The following LRMDA variants were observed in gnomAD, a reference collection of about 807,000 sequenced individuals.
The protein encoded by LRMDA is leucine rich melanocyte differentiation associated.
In LRMDA, 18 loss-of-function variants were observed where a neutral mutation model predicts 29.8. That is an observed-to-expected ratio of 0.60 (90% confidence interval 0.42 to 0.90). LRMDA has a LOEUF of 0.90. Ranked by LOEUF, LRMDA falls within the 40% of genes least tolerant of loss-of-function variation. The probability of loss-of-function intolerance (pLI) is 0.00; values close to 1 mark genes in which losing one functional copy is unlikely to be tolerated. For synonymous variants in LRMDA, 125 were observed against 109.4 expected (o/e 1.14, Z -0.89); for missense variants, 273 against 273.9 (o/e 1.00, Z 0.02).
intron 5 of LRMDA, among the ~76,000 whole-genome samples, chr10:76,088,640 G>T (rs942525694): frequency 2.6e-5 from 4 of 152,162 alleles, no homozygotes; most frequent in Non-Finnish European, 4.4e-5. Flanking sequence ...TTAATGGCCA[G>T]CCCATTCCTT....
intron 6 of LRMDA, among the ~76,000 whole-genome samples, chr10:76,383,676 C>T (rs1344446030): frequency 3.3e-5 from 5 of 150,882 alleles, no homozygotes; most frequent in East Asian, 2.0e-4. Context: ...ATGATCCACC[C>T]GACTCGGCCT....
intron 2 of LRMDA, among the ~76,000 whole-genome samples, chr10:75,443,555 C>G (rs1387906057): frequency 6.6e-6 from 1 of 152,046 alleles, no homozygotes; most frequent in Admixed American, 6.5e-5. Flanking sequence ...AGGGATAAAT[C>G]CCACTTGATG....
chr10:76,335,793 A>G (rs1360848970), intron 6 of LRMDA, among the ~76,000 whole-genome samples: 3 of 152,220 alleles, frequency 2.0e-5, no homozygotes, highest in Non-Finnish European at 4.4e-5. Flanking sequence ...TATCATGCAG[A>G]TGAAGCCTAC....
Position 76,337,743 on chromosome 10 carries a change from C to A in LRMDA, c.601+13258C>A, listed in dbSNP as rs145257970. On this transcript the variant is annotated intron_variant, in intron 6 of 6. Coordinates refer to ENST00000611255, the MANE Select transcript of LRMDA (RefSeq NM_001305581.2). ...ATGAATCAGGCAGCACTAGATTGCA[C>A]GTGGTTCAGGGCTCCACCAAGAGGG... Among the ~76,000 whole-genome samples, 962 of 151,878 alleles carry A rather than the reference C, an allele frequency of 6.3e-3. 9 individuals carry two copies. The highest frequency in any genetic ancestry group is 8.0e-3 in the Non-Finnish European group (545 of 67,922).
At chr10:75,751,366 G>A (rs1842967506) in intron 2 of LRMDA, among the ~76,000 whole-genome samples, 1 of 151,644 alleles carries the variant, frequency 6.6e-6, no homozygotes, top group South Asian at 2.1e-4. Flanking sequence ...GGAGAGGGAG[G>A]GGGAGTGGGA....
At chr10:75,970,234 A>G (rs1846942673) in intron 2 of LRMDA, among the ~76,000 whole-genome samples, 1 of 152,208 alleles carries the variant, frequency 6.6e-6, no homozygotes, top group African/African-American at 2.4e-5. Flanking sequence ...GGCCTGACCA[A>G]CAGCTAGCTT....
intron 6 of LRMDA, among the ~76,000 whole-genome samples, chr10:76,516,952 A>G (rs1257999281): frequency 6.6e-6 from 1 of 152,220 alleles, no homozygotes; most frequent in Admixed American, 6.5e-5. Flanking sequence ...GTATAAAAAT[A>G]TTATTGTATA....
chr10:75,853,883 T>C (rs761306690), intron 2 of LRMDA, among the ~76,000 whole-genome samples: 1 of 152,118 alleles, frequency 6.6e-6, no homozygotes, highest in Non-Finnish European at 1.5e-5. Flanking sequence ...AGAATTCTGC[T>C]TGTTGTTGGA....
At chr10:76,101,733 T>C (rs969140832) in intron 5 of LRMDA, among the ~76,000 whole-genome samples, 1 of 122,186 alleles carries the variant, frequency 8.2e-6, no homozygotes, top group Admixed American at 7.8e-5. Context: ...TGAGACTCTG[T>C]CTCAAAAAAA....
chr10:76,196,920 T>C (rs184063063), intron 5 of LRMDA, among the ~76,000 whole-genome samples: 244 of 152,344 alleles, frequency 1.6e-3, no homozygotes, highest in African/African-American at 5.7e-3. Context: ...GGCTACCTTA[T>C]GGTGCAACCC....
At chr10:76,147,944 G>A (rs768548553) in intron 5 of LRMDA, among the ~76,000 whole-genome samples, 2 of 152,198 alleles carry the variant, frequency 1.3e-5, no homozygotes, top group Non-Finnish European at 2.9e-5. Flanking sequence ...GTTTGCTAGA[G>A]GTCCACTCTA....
At chr10:76,375,230 A>G (rs530964435) in intron 6 of LRMDA, among the ~76,000 whole-genome samples, 1 of 152,212 alleles carries the variant, frequency 6.6e-6, no homozygotes, top group East Asian at 1.9e-4. Context: ...AACTGACTAT[A>G]CCCAAGTTGT....
At chr10:76,458,129 A>C (rs569539624) in intron 6 of LRMDA, among the ~76,000 whole-genome samples, 1 of 147,350 alleles carries the variant, frequency 6.8e-6, no homozygotes, top group South Asian at 2.2e-4. Flanking sequence ...TGCTTTCAAA[A>C]AAAAAAAAAA....
At chr10:75,694,908 T>G (rs1036410432) in intron 2 of LRMDA, among the ~76,000 whole-genome samples, 3 of 152,210 alleles carry the variant, frequency 2.0e-5, no homozygotes, top group Non-Finnish European at 4.4e-5. Context: ...CTTGACATAA[T>G]AAGAAGTTAT....
intron 5 of LRMDA, among the ~76,000 whole-genome samples, chr10:76,296,080 A>G (rs1840408361): frequency 6.6e-6 from 1 of 152,224 alleles, no homozygotes. Flanking sequence ...GATTACAAAT[A>G]TGATCACCAC....
intron 2 of LRMDA, among the ~76,000 whole-genome samples, chr10:76,031,992 G>C (rs1015816159): frequency 1.6e-4 from 24 of 152,212 alleles, no homozygotes; most frequent in African/African-American, 4.8e-4. Context: ...TCTTAGCACA[G>C]CCTAGATCCA....
At chr10:76,389,324 A>C (rs1324999725) in intron 6 of LRMDA, among the ~76,000 whole-genome samples, 1 of 152,060 alleles carries the variant, frequency 6.6e-6, no homozygotes, top group Non-Finnish European at 1.5e-5. Context: ...GACAGGAATA[A>C]AATTAGAAGG....
chr10:75,892,359 C>A (rs532290945), intron 2 of LRMDA, among the ~76,000 whole-genome samples: 1 of 152,308 alleles, frequency 6.6e-6, no homozygotes, highest in African/African-American at 2.4e-5. Context: ...GCCCAGGGAG[C>A]TCTGGGTGGC....
chr10:76,426,524 T>G (rs1842127663), intron 6 of LRMDA, among the ~76,000 whole-genome samples: 1 of 152,240 alleles, frequency 6.6e-6, no homozygotes, highest in African/African-American at 2.4e-5. Flanking sequence ...ATGAGTAGAT[T>G]GCAAAAATTT....
Sources: allele counts gnomAD v4.1 joint callset (sites outside exome capture counted in the v4.1 genomes callset), GRCh38; gene constraint gnomAD v4.1.1; transcripts MANE v1.5; gene names NCBI Gene and HGNC (gene_info 2026-07-23, HGNC 2026-07-21).